PIK3R1: variants seen among roughly 807,000 people sequenced by gnomAD.
PIK3R1 encodes phosphatidylinositol 3-kinase regulatory subunit alpha.
In PIK3R1, 29 loss-of-function variants were observed where a neutral mutation model predicts 98.0. The ratio of observed to expected loss-of-function variants is 0.30; its 90% CI spans 0.22 to 0.40. The LOEUF (loss-of-function observed/expected upper bound fraction) is 0.40, where lower values mean the gene tolerates loss of function less well. Among genes scored for constraint, PIK3R1 ranks in the 10% least tolerant of loss-of-function variants. The probability of loss-of-function intolerance (pLI) is 1.00; values close to 1 mark genes in which losing one functional copy is unlikely to be tolerated. For missense variants in PIK3R1, 596 were observed against 872.7 expected (o/e 0.68, Z 3.99); for synonymous variants, 282 against 311.8 (o/e 0.90, Z 1.01).
Position 68,218,566 on chromosome 5 carries a change from T to C in PIK3R1, c.-387+2617T>C, listed in dbSNP as rs191039612. Among the ~76,000 whole-genome samples, 327 of 152,366 alleles carry C rather than the reference T, an allele frequency of 2.1e-3. 2 individuals carry two copies. The highest frequency in any genetic ancestry group is 6.8e-3 in the Middle Eastern group (2 of 294). ...CATTTTGTGATTTGCAAAATACATG[T>C]TTTATTGAATAAAGAGATGGTGAAT... On this transcript the variant is annotated intron_variant, in intron 1 of 15. Transcript: ENST00000521381.
rs781152398 is a variant in PIK3R1, at chr5:68,286,011, AAAG to A, written c.916+5012_916+5014del. 5.9e-5 allele frequency among the ~76,000 whole-genome samples: 9 copies of A among 152,338 alleles called. No homozygotes were observed. The South Asian group carries it at 6.2e-4, about 11-fold the overall frequency. On this transcript the variant is annotated intron_variant, in intron 7 of 15. Transcript: ENST00000521381. ...CTTTGTTCATAAATGATGTCCAGAA[AAAG>A]AAGAAGTTTTCTAGGTTGAAAGCTG...
rs775858762 is a variant in PIK3R1 at position 68,273,375 on chromosome 5, T to A, written c.335-15T>A. On this transcript the variant is annotated splice_polypyrimidine_tract_variant and intron_variant, in intron 2 of 15. Coordinates refer to ENST00000521381, the MANE Select transcript of PIK3R1 (RefSeq NM_181523.3). Reference sequence around the variant, plus strand: ...ATCCAAATTAAATACAATGGTGGGATTTTGTTGTTTGCAGCTTTGACTCTC... The same window carrying A: ...ATCCAAATTAAATACAATGGTGGGAATTTGTTGTTTGCAGCTTTGACTCTC... 6.2e-7 allele frequency: 1 copy of A among 1,610,770 alleles called. No homozygotes were observed. The highest frequency in any genetic ancestry group is 8.5e-7 in the Non-Finnish European group (1 of 1,177,002).
intron 4 of PIK3R1, among the ~76,000 whole-genome samples, chr5:68,277,067 G>A (rs1195716891): frequency 6.6e-6 from 1 of 152,190 alleles, no homozygotes; most frequent in Non-Finnish European, 1.5e-5. Flanking sequence ...AGGGATGTGT[G>A]CATATTTATT....
intron 2 of PIK3R1, among the ~76,000 whole-genome samples, chr5:68,262,622 G>T (rs115333889): frequency 0.039 from 4,627 of 119,600 alleles, 122 homozygotes; most frequent in South Asian, 0.06. Flanking sequence ...TACACATGTA[G>T]ATGCATGTAT....
At chr5:68,296,794 C>A (rs1269601833) in intron 15 of PIK3R1, among the ~76,000 whole-genome samples, 1 of 152,198 alleles carries the variant, frequency 6.6e-6, no homozygotes, top group East Asian at 1.9e-4. Flanking sequence ...ATAGGTACAC[C>A]CACATTGGAT....
intron 6 of PIK3R1, 77 bp from the exon 7 acceptor site, chr5:68,280,850 C>A: frequency 8.0e-7 from 1 of 1,244,286 alleles, no homozygotes. Context: ...CTATCACACA[C>A]ATTCACTTGA....
At chr5:68,291,182 G>C in intron 7 of PIK3R1, 1 of 216,946 alleles carries the variant, frequency 4.6e-6, no homozygotes, top group Non-Finnish European at 9.2e-6. Flanking sequence ...GCTTTTCTCT[G>C]TTGCCAGTGG....
At chr5:68,265,108 C>G (rs896782342) in intron 2 of PIK3R1, among the ~76,000 whole-genome samples, 1 of 151,836 alleles carries the variant, frequency 6.6e-6, no homozygotes, top group Non-Finnish European at 1.5e-5. Context: ...GATTGTGGTC[C>G]GAGGACCGGC....
In PIK3R1 at chr5:68,288,612, C is replaced by A. The variant is rs148077927; in HGVS notation, c.917-3647C>A. Reference sequence around the variant, plus strand: ...GCGCACTCTCGGCGCCGGACACGAGCACTGCCTGCCGGGAACAGGCTGGGG... The same window carrying A: ...GCGCACTCTCGGCGCCGGACACGAGAACTGCCTGCCGGGAACAGGCTGGGG... On this transcript the variant is annotated intron_variant, in intron 7 of 15. Transcript: ENST00000521381. The A allele has an allele frequency of 3.0e-4, 467 of 1,566,640 alleles. 1 individual carries two copies. The African/African-American group carries it at 5.6e-3, about 19-fold the overall frequency.
intron 2 of PIK3R1, among the ~76,000 whole-genome samples, chr5:68,267,148 T>C (rs911856734): frequency 6.6e-6 from 1 of 152,236 alleles, no homozygotes; most frequent in Admixed American, 6.5e-5. Context: ...TTTAATTTGC[T>C]GTACACCGTA....
chr5:68,293,277 C>A (rs1336308943), intron 9 of PIK3R1, 26 bp from the exon 10 acceptor site: 8 of 1,598,928 alleles, frequency 5.0e-6, no homozygotes, highest in Admixed American at 3.4e-5. Context: ...AATGTTAATA[C>A]CTTTATTTTT....
chr5:68,252,156 G>C (rs773319297), intron 2 of PIK3R1, among the ~76,000 whole-genome samples: 1 of 152,142 alleles, frequency 6.6e-6, no homozygotes, highest in Non-Finnish European at 1.5e-5. Flanking sequence ...TTTAGACTAA[G>C]GGCCGCATTG....
chr5:68,262,655 G>GCATGTATACA (rs1745843002), intron 2 of PIK3R1, among the ~76,000 whole-genome samples: 1 of 129,588 alleles, frequency 7.7e-6, no homozygotes, highest in Non-Finnish European at 1.6e-5. Flanking sequence ...ACATGTATCT[G>GCATGTATACA]CATGTATACA....
At chr5:68,271,992 T>C (rs1746380313) in intron 2 of PIK3R1, among the ~76,000 whole-genome samples, 1 of 152,174 alleles carries the variant, frequency 6.6e-6, no homozygotes, top group South Asian at 2.1e-4. Flanking sequence ...GGCTCACACC[T>C]GTAATCCCAG....
At position 68,280,631 on chromosome 5, in the gene PIK3R1, T is replaced by C. The variant is rs1746795167; in HGVS notation, c.738T>C (p.His246=). ...TTACGCTTCAGTATTTGTTAAAACATTTCTTCAAGCTCTCTCAAACCTCCA... is the reference window on the plus strand; with the variant it reads ...TTACGCTTCAGTATTTGTTAAAACACTTCTTCAAGCTCTCTCAAACCTCCA... ...YWLTLQYLLK[H]FFKLSQTSSK... is the part of the protein sequence containing the mutation. The change falls in exon 6 of 16, where the codon CAT becomes CAC. Residue 246 remains histidine (H), a synonymous_variant. Transcript: ENST00000521381. 1 of 1,613,998 alleles carries C rather than the reference T, an allele frequency of 6.2e-7. No homozygotes were observed. Among genetic ancestry groups the C allele is most frequent in the African/African-American group, 1.3e-5 (1 of 74,944 alleles).
At chr5:68,277,187 GC>G (rs1341210285) in intron 4 of PIK3R1, among the ~76,000 whole-genome samples, 2 of 152,228 alleles carry the variant, frequency 1.3e-5, no homozygotes, top group Admixed American at 6.5e-5. Context: ...AACATGCGGG[GC>G]AAAGTGTATG....
At chr5:68,240,368 C>T (rs1373904362) in intron 2 of PIK3R1, among the ~76,000 whole-genome samples, 1 of 152,220 alleles carries the variant, frequency 6.6e-6, no homozygotes, top group Non-Finnish European at 1.5e-5. Flanking sequence ...CACTTGTGGT[C>T]TAATCTTCCC....
intron 7 of PIK3R1, among the ~76,000 whole-genome samples, chr5:68,285,216 G>A (rs1307837092): frequency 4.6e-5 from 7 of 152,150 alleles, no homozygotes; most frequent in Non-Finnish European, 1.0e-4. Context: ...GCCCAGAGTG[G>A]AAAATAAATG....
Position 68,298,841 on chromosome 5 carries a change from A to G in PIK3R1, c.*1240A>G. The stretch of plus-strand genomic sequence containing the variant: ...CGGTACCTGGCAATGTTTATTTCAT[A>G]AAGAATTGTGAACTTCTTGAATCTA... On this transcript the variant is annotated 3_prime_UTR_variant, in exon 16 of 16. Transcript: ENST00000521381. 8.7e-6 allele frequency: 2 copies of G among 230,056 alleles called. No individual in the cohort carries two copies. Among genetic ancestry groups the G allele is most frequent in the Non-Finnish European group, 1.7e-5 (2 of 117,918 alleles). 14.3% of individuals were successfully genotyped at this position (230,056 alleles called of 1,614,324 possible). A position where few individuals can be genotyped will look rare whatever the true frequency, so the allele number is the denominator to read the frequency against.
Sources: allele counts gnomAD v4.1 joint callset (sites outside exome capture counted in the v4.1 genomes callset), GRCh38; gene constraint gnomAD v4.1.1; transcripts MANE v1.5; gene names NCBI Gene and HGNC (gene_info 2026-07-23, HGNC 2026-07-21).